Variants in MTRES1 observed in about 807,000 individuals in gnomAD.
MTRES1 encodes the protein mitochondrial transcription rescue factor 1.
Under a neutral mutation model 17.4 loss-of-function variants are expected in MTRES1, and 11 were observed. That is an observed-to-expected ratio of 0.63 (90% CI 0.40 to 1.05). The LOEUF is 1.05. Ranked by LOEUF, MTRES1 falls within the 50% of genes least tolerant of loss-of-function variation. The pLI is 0.00. For missense variants in MTRES1, 268 were observed against 276.2 expected, an observed-to-expected ratio of 0.97 and a Z score of 0.21; for synonymous variants, 94 against 99.6, an observed-to-expected ratio of 0.94 and a Z score of 0.34.
At chr6:107,044,874 T>A (rs1774338762) in intron 3 of MTRES1, among the ~76,000 whole-genome samples, 1 of 152,186 alleles carries the variant, frequency 6.6e-6, no homozygotes, top group African/African-American at 2.4e-5. Context: ...GTTTCCAGTC[T>A]CCACTTTTCT....
At chr6:107,048,421 C>T (rs904205903) in intron 3 of MTRES1, among the ~76,000 whole-genome samples, 6 of 151,998 alleles carry the variant, frequency 3.9e-5, no homozygotes, top group Admixed American at 1.3e-4. Context: ...TGAGCCACCA[C>T]GCCTGGCCTG....
At chr6:107,044,435 CTCTGAGG>C (rs1172431157) in intron 3 of MTRES1, 103 bp downstream of exon 3, 1 of 860,786 alleles carries the variant, frequency 1.2e-6, no homozygotes, top group Non-Finnish European at 1.9e-6. Context: ...CCTCTTCTTT[CTCTGAGG>C]TCCTTTGTGG....
chr6:107,041,643 A>G (rs1774220366), intron 2 of MTRES1, among the ~76,000 whole-genome samples: 1 of 151,964 alleles, frequency 6.6e-6, no homozygotes, highest in Admixed American at 6.6e-5. Context: ...CTCCTGCCTC[A>G]GCCTCCCGAG....
intron 1 of MTRES1, among the ~76,000 whole-genome samples, chr6:107,032,711 TA>T (rs1225496741): frequency 1.3e-5 from 2 of 151,734 alleles, no homozygotes; most frequent in Non-Finnish European, 2.9e-5. Context: ...CTCAAAAAAA[TA>T]AAAAAATGCC....
intron 1 of MTRES1, among the ~76,000 whole-genome samples, chr6:107,036,776 G>A (rs904360208): frequency 6.6e-6 from 1 of 151,596 alleles, no homozygotes; most frequent in Non-Finnish European, 1.5e-5. Context: ...CGTGAACCCA[G>A]GAGGCGGAGC....
At chr6:107,044,370 G>A (rs782196021) in intron 3 of MTRES1, 38 bp downstream of exon 3, 34 of 1,522,690 alleles carry the variant, frequency 2.2e-5, no homozygotes, top group East Asian at 2.3e-5. Flanking sequence ...AGATGTTTTC[G>A]TCTCTTACTC....
intron 2 of MTRES1, 23 bp downstream of exon 2, chr6:107,040,253 T>C (rs781927470): frequency 6.4e-7 from 1 of 1,557,832 alleles, no homozygotes; most frequent in South Asian, 1.2e-5. Flanking sequence ...CGCATTTCAT[T>C]ATAAACTCGC....
chr6:107,034,983 G>A (rs570112446), intron 1 of MTRES1, among the ~76,000 whole-genome samples: 12 of 151,584 alleles, frequency 7.9e-5, no homozygotes, highest in South Asian at 2.1e-4. Context: ...GTGAATCTCC[G>A]TCTTAAAAAA....
chr6:107,031,711 G>A (rs1582591473), intron 1 of MTRES1, among the ~76,000 whole-genome samples: 1 of 151,800 alleles, frequency 6.6e-6, no homozygotes, highest in Admixed American at 6.6e-5. Flanking sequence ...AGCGGTTCTC[G>A]TGCCTCATCC....
chr6:107,030,230 T>C (rs1554226282), intron 1 of MTRES1: 2 of 707,390 alleles, frequency 2.8e-6, no homozygotes, highest in Admixed American at 2.1e-5. Context: ...ATAGAGCCTT[T>C]AGACCATCGT....
At chr6:107,048,243 TCTTG>T (rs1774457353) in intron 3 of MTRES1, among the ~76,000 whole-genome samples, 2 of 152,018 alleles carry the variant, frequency 1.3e-5, no homozygotes, top group Admixed American at 1.3e-4. Context: ...CAAGCGATTC[TCTTG>T]CTTCAGCCTC....
At chr6:107,029,731 G>A (rs1773770475) in intron 1 of MTRES1, among the ~76,000 whole-genome samples, 3 of 151,854 alleles carry the variant, frequency 2.0e-5, no homozygotes, top group African/African-American at 7.3e-5. Flanking sequence ...TGATCCGCCC[G>A]CCTCAGCCTC....
intron 1 of MTRES1, among the ~76,000 whole-genome samples, chr6:107,032,554 T>A (rs781877612): frequency 6.6e-6 from 1 of 152,136 alleles, no homozygotes. Context: ...CTGCTAAAGA[T>A]GCAAAAATTA....
At chr6:107,030,609 G>T (rs1481873547) in intron 1 of MTRES1, among the ~76,000 whole-genome samples, 2 of 152,168 alleles carry the variant, frequency 1.3e-5, no homozygotes, top group Non-Finnish European at 2.9e-5. Flanking sequence ...AGGAAAGCTT[G>T]TAGAGCTCAT....
chr6:107,036,005 A>T (rs1773995078), intron 1 of MTRES1, among the ~76,000 whole-genome samples: 1 of 152,142 alleles, frequency 6.6e-6, no homozygotes, highest in Non-Finnish European at 1.5e-5. Flanking sequence ...ATATACATAT[A>T]ATCAGAAATT....
intron 3 of MTRES1, among the ~76,000 whole-genome samples, chr6:107,046,240 T>C (rs374406616): frequency 6.6e-6 from 1 of 152,184 alleles, no homozygotes; most frequent in South Asian, 2.1e-4. Flanking sequence ...CAAGATGTAT[T>C]CTTGGAGTAA....
Position 107,040,057 on chromosome 6 carries a change from A to G in MTRES1, c.297A>G (p.Gln99=), listed in dbSNP as rs1554227464. The change falls in exon 2 of 4, where the codon CAA becomes CAG. Residue 99 remains glutamine, a synonymous_variant. Coordinates refer to ENST00000311381, the MANE Select transcript of MTRES1 (RefSeq NM_016487.5). ...CAAAATCTACTAAAAAGTCTCTGCA[A>G]AAAGTAGATGAAGAGGACTCTGATG... The part of the protein sequence containing the change: ...RSTKSTKKSL[Q]KVDEEDSDEE... 1.2e-6 allele frequency: 2 copies of G among 1,613,576 alleles called. No homozygotes were observed. The highest frequency in any genetic ancestry group is 2.2e-5 in the East Asian group (1 of 44,874).
intron 3 of MTRES1, among the ~76,000 whole-genome samples, chr6:107,046,168 A>C (rs1774382500): frequency 6.6e-6 from 1 of 152,096 alleles, no homozygotes; most frequent in African/African-American, 2.4e-5. Flanking sequence ...AGCCCTTCTC[A>C]TCTCTGAATA....
intron 1 of MTRES1, among the ~76,000 whole-genome samples, chr6:107,039,117 A>G (rs1290857485): frequency 6.6e-6 from 1 of 152,112 alleles, no homozygotes; most frequent in Non-Finnish European, 1.5e-5. Flanking sequence ...TATTTTTTTT[A>G]GGAGCAATCA....
Sources: gnomAD v4.1 joint callset for allele counts (sites outside exome capture counted in the v4.1 genomes callset) on GRCh38, gnomAD v4.1.1 for gene constraint, MANE v1.5 for transcripts, NCBI Gene and HGNC (gene_info 2026-07-23, HGNC 2026-07-21) for gene names.